The following JMJD1C variants were observed in gnomAD, a reference collection of about 807,000 sequenced individuals.
JMJD1C encodes the protein jumonji domain-containing protein 1C.
Under a neutral mutation model 245.3 loss-of-function variants are expected in JMJD1C, and 31 were observed. The observed-to-expected ratio is 0.13, with a 90% CI of 0.09 to 0.17. JMJD1C has a LOEUF of 0.17. Ranked by LOEUF, JMJD1C falls within the 10% of genes least tolerant of loss-of-function variation. The pLI is 1.00. For synonymous variants in JMJD1C, 1,057 were observed against 1,017.4 expected (o/e 1.04, Z -0.74); for missense variants, 2,691 against 3,000.2 (o/e 0.90, Z 2.41).
At chr10:63,380,261 G>A in intron 2 of JMJD1C, 57 bp downstream of exon 2, 2 of 1,565,570 alleles carry the variant, frequency 1.3e-6, no homozygotes, top group Non-Finnish European at 8.8e-7. Flanking sequence ...TGTTGTTGTT[G>A]TTCTTTGTTT....
At position 63,214,681 on chromosome 10, in the gene JMJD1C, T is replaced by C. The variant is rs978535222; in HGVS notation, c.1486A>G (p.Lys496Glu). ...DKTHTMELLPKEKFVSRPPTP... is the reference protein window; with the variant it reads ...DKTHTMELLPEEKFVSRPPTP... Reference sequence around the variant, plus strand: ...GGTGGTCTGGATACAAACTTCTCCTTTGGTAGCAATTCCATGGTATGTGTT... The same window carrying C: ...GGTGGTCTGGATACAAACTTCTCCTCTGGTAGCAATTCCATGGTATGTGTT... Residue 496 changes from lysine (K) to glutamate (E), a missense_variant, in exon 8 of 26, where the codon AAG (lysine) becomes GAG (glutamate). Lys to Glu is a moderately conservative substitution (Grantham distance 56). Transcript: ENST00000399262. The C allele has an allele frequency of 1.2e-6, 2 of 1,613,872 alleles. No homozygotes were observed. Among genetic ancestry groups the C allele is most frequent in the African/African-American group, 1.3e-5 (1 of 74,930 alleles).
chr10:63,416,110 T>C (rs940771434), intron 1 of JMJD1C, among the ~76,000 whole-genome samples: 6 of 151,972 alleles, frequency 3.9e-5, no homozygotes, highest in African/African-American at 1.5e-4. Context: ...TTAACCCCTA[T>C]CAAAAAGCCT....
intron 1 of JMJD1C, among the ~76,000 whole-genome samples, chr10:63,507,123 C>T (rs1190380457): frequency 6.6e-6 from 1 of 152,172 alleles, no homozygotes; most frequent in Non-Finnish European, 1.5e-5. Context: ...GCTAATATTT[C>T]ATTGTCAAAA....
At chr10:63,479,525 C>G (rs1953765916) in intron 1 of JMJD1C, among the ~76,000 whole-genome samples, 1 of 152,100 alleles carries the variant, frequency 6.6e-6, no homozygotes. Context: ...AGAAACAAAA[C>G]AAGAACCACA....
intron 1 of JMJD1C, among the ~76,000 whole-genome samples, chr10:63,517,333 T>C (rs1229923450): frequency 1.3e-5 from 2 of 152,222 alleles, no homozygotes; most frequent in African/African-American, 4.8e-5. Context: ...AAAACTAATA[T>C]TTAAAAGAGA....
At chr10:63,296,003 G>GTGTGTGTA (rs1285499198) in intron 2 of JMJD1C, among the ~76,000 whole-genome samples, 3 of 95,730 alleles carry the variant, frequency 3.1e-5, no homozygotes, top group African/African-American at 1.2e-4. Flanking sequence ...GTGTGTGTGT[G>GTGTGTGTA]TATATATATA....
At chr10:63,251,179 T>C (rs552818259) in intron 3 of JMJD1C, among the ~76,000 whole-genome samples, 1 of 152,350 alleles carries the variant, frequency 6.6e-6, no homozygotes, top group Non-Finnish European at 1.5e-5. Context: ...ATCCTTGTTA[T>C]ACAGAATTCA....
chr10:63,445,862 ATTTTTTTTTTT>A (rs56316223), intron 1 of JMJD1C, among the ~76,000 whole-genome samples: 6 of 75,714 alleles, frequency 7.9e-5, no homozygotes, highest in Non-Finnish European at 4.4e-5. Context: ...TGGGATCTGA[ATTTTTTTTTTT>A]TTTTTTTTTT....
chr10:63,421,266 G>A lies in JMJD1C; in HGVS notation c.169-40784C>T, dbSNP rs145112719. Among the ~76,000 whole-genome samples, 683 of 152,284 alleles carry A rather than the reference G, an allele frequency of 4.5e-3. 3 individuals are homozygous for A. The highest frequency in any genetic ancestry group is 0.015 in the African/African-American group (628 of 41,546). ...GGAGAATTGCTTGAATCCGGGAGGC[G>A]GAGGTTGAGGTGAGCCGAGATCGCC... is the stretch of plus-strand genomic sequence containing the variant. On this transcript the variant is annotated intron_variant, in intron 1 of 25. Transcript: ENST00000399262.
intron 1 of JMJD1C, among the ~76,000 whole-genome samples, chr10:63,464,698 C>CAAAAAA (rs34490360): frequency 7.0e-6 from 1 of 143,328 alleles, no homozygotes; most frequent in Non-Finnish European, 1.5e-5. Context: ...TGTAAGAAAC[C>CAAAAAA]AAAAAAAAAA....
chr10:63,255,411 T>C (rs1347462123), intron 3 of JMJD1C, among the ~76,000 whole-genome samples: 3 of 152,290 alleles, frequency 2.0e-5, no homozygotes, highest in South Asian at 2.1e-4. Context: ...AAATGAAAAC[T>C]AGTGTTATGA....
rs187666800 is a variant in JMJD1C at position 63,465,843 on chromosome 10, G to C, written c.-181C>G. The C allele has an allele frequency of 2.8e-6, 2 of 724,418 alleles. No individual in the cohort carries two copies. The highest frequency in any genetic ancestry group is 4.9e-6 in the Non-Finnish European group (2 of 406,850). 44.9% of individuals were successfully genotyped at this position (724,418 alleles called of 1,614,324 possible). A position where few individuals can be genotyped will look rare whatever the true frequency, so the allele number is the denominator to read the frequency against. ...GACACAGCGACCTCGGGCCCTCCCC[G>C]CAAACACTCCTTTGGACTCCCAGAT... On this transcript the variant is annotated 5_prime_UTR_variant, in exon 1 of 26. Transcript: ENST00000399262.
chr10:63,516,070 T>C (rs1955008953), intron 1 of JMJD1C, among the ~76,000 whole-genome samples: 1 of 152,114 alleles, frequency 6.6e-6, no homozygotes, highest in South Asian at 2.1e-4. Flanking sequence ...AGTTTTTCCA[T>C]TTCCTACCTA....
chr10:63,211,680 C>T (rs1847353912), intron 8 of JMJD1C, among the ~76,000 whole-genome samples: 1 of 151,730 alleles, frequency 6.6e-6, no homozygotes, highest in South Asian at 2.1e-4. Context: ...TCACCACCCC[C>T]AACTGTGATC....
intron 1 of JMJD1C, among the ~76,000 whole-genome samples, chr10:63,419,965 G>A (rs1328530168): frequency 2.0e-5 from 3 of 151,448 alleles, no homozygotes; most frequent in Non-Finnish European, 2.9e-5. Context: ...GTGAAACCCC[G>A]TCTCTATTAA....
At chr10:63,232,837 A>C (rs1850185762) in intron 3 of JMJD1C, among the ~76,000 whole-genome samples, 1 of 152,228 alleles carries the variant, frequency 6.6e-6, no homozygotes, top group Non-Finnish European at 1.5e-5. Context: ...ATTACATGAA[A>C]TAACATTCCT....
rs1202604380 is a variant in JMJD1C, at chr10:63,388,420, T to A, written c.169-7938A>T. ...ATAAATGATGGGGAAATAAAGTCTT[T>A]CCTAAACAAGTAAAAGCAAGAAAAT... On this transcript the variant is annotated intron_variant, in intron 1 of 25. Coordinates refer to ENST00000399262, the MANE Select transcript of JMJD1C (RefSeq NM_032776.3). Among the ~76,000 whole-genome samples, 4 of 150,898 alleles carry A rather than the reference T, an allele frequency of 2.7e-5. No homozygotes were observed. The East Asian group carries it at 7.7e-4, about 29-fold the overall frequency.
chr10:63,350,102 C>A (rs140205511), intron 2 of JMJD1C, among the ~76,000 whole-genome samples: 3 of 152,248 alleles, frequency 2.0e-5, no homozygotes, highest in East Asian at 3.9e-4. Context: ...AAATGATTTT[C>A]TCACTTCTCT....
intron 2 of JMJD1C, among the ~76,000 whole-genome samples, chr10:63,271,581 CG>C (rs1856304277): frequency 6.6e-6 from 1 of 151,796 alleles, no homozygotes; most frequent in East Asian, 1.9e-4. Context: ...GATAGAGTTT[CG>C]CTCATGTTGC....
Sources: allele counts gnomAD v4.1 joint callset (sites outside exome capture counted in the v4.1 genomes callset), GRCh38; gene constraint gnomAD v4.1.1; transcripts MANE v1.5; gene names NCBI Gene and HGNC (gene_info 2026-07-23, HGNC 2026-07-21).